SERPINA3: variants seen among roughly 807,000 people sequenced by gnomAD.
The protein encoded by SERPINA3 is alpha-1-antichymotrypsin.
Under a neutral mutation model 26.8 loss-of-function variants are expected in SERPINA3, and 32 were observed. The observed-to-expected ratio is 1.20, with a 90% CI of 0.90 to 1.61. The LOEUF (loss-of-function observed/expected upper bound fraction) is 1.61. Among genes scored for constraint, SERPINA3 ranks in the 40% most tolerant of loss-of-function variants. The pLI, the probability that SERPINA3 is intolerant of heterozygous loss-of-function variation, is 0.00. For synonymous variants in SERPINA3, 252 were observed against 206.4 expected (o/e 1.22, Z -1.89); for missense variants, 632 against 517.9 (o/e 1.22, Z -2.14).
chr14:94,615,824 G>A (rs760197493), intron 2 of SERPINA3, among the ~76,000 whole-genome samples: 2 of 152,162 alleles, frequency 1.3e-5, no homozygotes, highest in Non-Finnish European at 1.5e-5. Flanking sequence ...CAGCCTGCAA[G>A]CTCCGAAGGG....
chr14:94,615,098 G>A lies in SERPINA3; in HGVS notation c.643+14G>A. 6.2e-7 allele frequency: 1 copy of A among 1,613,170 alleles called. No homozygotes were observed. Among genetic ancestry groups the A allele is most frequent in the Non-Finnish European group, 8.5e-7 (1 of 1,179,992 alleles). On this transcript the variant is annotated intron_variant, in intron 2 of 4. Coordinates refer to ENST00000393078, the MANE Select transcript of SERPINA3 (RefSeq NM_001085.5). Reference sequence around the variant, plus strand: ...TCTTCTTTAAAGGTGAGTGTGCCTGGCTTGGGGTTCAGAAGAGGTGGATCT... The same window carrying A: ...TCTTCTTTAAAGGTGAGTGTGCCTGACTTGGGGTTCAGAAGAGGTGGATCT...
At chr14:94,617,091 C>T (rs980398835) in intron 2 of SERPINA3, among the ~76,000 whole-genome samples, 1 of 152,156 alleles carries the variant, frequency 6.6e-6, no homozygotes, top group African/African-American at 2.4e-5. Context: ...TGAAAGGCCC[C>T]AAAGGAGCTC....
chr14:94,619,421 G>C lies in SERPINA3; in HGVS notation c.870G>C (p.Met290Ile). The change falls in exon 3 of 5, where the codon ATG becomes ATC. Residue 290 changes from methionine (M) to isoleucine (I), a missense_variant. By Grantham distance (10) the Met-to-Ile change is conservative (BLOSUM62 1). Transcript: ENST00000393078. The part of the protein sequence containing the change: ...DQDKMEEVEA[M>I]LLPETLKRWR... ...ACAAGATGGAGGAAGTGGAAGCCAT[G>C]CTGCTCCCAGAGACCCTGAAGCGGT... 1 of 1,614,168 alleles carries C rather than the reference G, an allele frequency of 6.2e-7. No individual in the cohort carries two copies. The highest frequency in any genetic ancestry group is 1.3e-5 in the African/African-American group (1 of 75,034).
In SERPINA3 at chr14:94,614,675, G is replaced by A. The variant is rs544696961; in HGVS notation, c.234G>A (p.Leu78=). 1.9e-6 allele frequency: 3 copies of A among 1,614,076 alleles called. No individual in the cohort carries two copies. The highest frequency in any genetic ancestry group is 4.5e-5 in the East Asian group (2 of 44,870). ...ATAAGAATGTCATCTTCTCCCCACTGAGCATCTCCACCGCCTTGGCCTTCC... is the reference window on the plus strand; with the variant it reads ...ATAAGAATGTCATCTTCTCCCCACTAAGCATCTCCACCGCCTTGGCCTTCC... ...APDKNVIFSP[L]SISTALAFLS... The change falls in exon 2 of 5, where the codon CTG becomes CTA. Residue 78 remains leucine (L), a synonymous_variant. Transcript: ENST00000393078.
At chr14:94,619,695 T>A in intron 3 of SERPINA3, 1 of 588,776 alleles carries the variant, frequency 1.7e-6, no homozygotes, top group Non-Finnish European at 3.0e-6. Context: ...GACTCCAGCA[T>A]GTTCTAAGTC....
In SERPINA3 at chr14:94,622,349, G is replaced by C; in HGVS notation, c.926G>C (p.Gly309Ala). The C allele has an allele frequency of 6.2e-7, 1 of 1,614,024 alleles. No homozygotes were observed. Among genetic ancestry groups the C allele is most frequent in the Non-Finnish European group, 8.5e-7 (1 of 1,180,008 alleles). The part of the protein sequence containing the change: ...WRDSLEFREI[G>A]ELYLPKFSIS... ...TTTTTCTCGTTTTCTAGAGAGATAGGTGAGCTCTACCTGCCAAAGTTTTCC... is the reference window on the plus strand; with the variant it reads ...TTTTTCTCGTTTTCTAGAGAGATAGCTGAGCTCTACCTGCCAAAGTTTTCC... The change falls in exon 4 of 5, where the codon GGT (glycine) becomes GCT (alanine). Residue 309 changes from glycine (G) to alanine (A), a missense_variant. By Grantham distance (60) the Gly-to-Ala change is moderately conservative. Transcript: ENST00000393078.
chr14:94,614,167 G>A (rs1448731226), intron 1 of SERPINA3: 3 of 492,918 alleles, frequency 6.1e-6, no homozygotes, highest in Non-Finnish European at 1.1e-5. Flanking sequence ...CCTGTTTGCT[G>A]TATGATCTTG....
chr14:94,614,253 A>G, intron 1 of SERPINA3, 181 bp from the exon 2 acceptor site: 1 of 626,448 alleles, frequency 1.6e-6, no homozygotes, highest in Non-Finnish European at 2.8e-6. Context: ...CCTACCTCAA[A>G]GGGTGAAATG....
intron 1 of SERPINA3, chr14:94,614,128 C>G: frequency 2.5e-6 from 1 of 392,894 alleles, no homozygotes; most frequent in South Asian, 2.8e-5. Flanking sequence ...AGGAGCCAGG[C>G]AAACCTGGCT....
chr14:94,618,976 A>G, intron 2 of SERPINA3: 2 of 611,072 alleles, frequency 3.3e-6, no homozygotes, highest in African/African-American at 3.7e-5. Flanking sequence ...CTCATTTAGC[A>G]CAAGGAACTA....
chr14:94,622,673 C>T lies in SERPINA3; in HGVS notation c.1068+182C>T, dbSNP rs1046403406. The stretch of plus-strand genomic sequence containing the variant: ...TAGGTTACAGCCCAGCTCCTCCTGC[C>T]GTGTTAGGGGTTGAGCCTCTACAAC... On this transcript the variant is annotated intron_variant, in intron 4 of 4. Coordinates refer to ENST00000393078, the MANE Select transcript of SERPINA3 (RefSeq NM_001085.5). 3.3e-5 allele frequency: 23 copies of T among 689,436 alleles called. No homozygotes were observed. The East Asian group carries it at 3.6e-4, about 11-fold the overall frequency. The allele number at this position is 689,436 out of a possible 1,614,324, so 42.7% of individuals were successfully genotyped here. A position where few individuals can be genotyped will look rare whatever the true frequency, so the allele number is the denominator to read the frequency against.
At chr14:94,622,696 A>G in intron 4 of SERPINA3, 1 of 627,194 alleles carries the variant, frequency 1.6e-6, no homozygotes, top group Non-Finnish European at 2.9e-6. Flanking sequence ...GAGCCTCTAC[A>G]ACATAATGTC....
rs376912106 is a variant in SERPINA3 at position 94,622,494 on chromosome 14, G to A, written c.1068+3G>A. 9.3e-4 allele frequency: 1,506 copies of A among 1,613,982 alleles called. 18 individuals are homozygous for A. In the South Asian group the frequency reaches 0.016, roughly 17 times the overall value. ...CCAGGAACCTAGCAGTCTCCCAGGT[G>A]AGTCTTTAGACTTGGGTCAATTCAT... On this transcript the variant is annotated splice_donor_region_variant and intron_variant, in intron 4 of 4. Transcript: ENST00000393078.
chr14:94,620,097 A>G (rs1413137299), intron 3 of SERPINA3: 3 of 334,300 alleles, frequency 9.0e-6, no homozygotes, highest in Non-Finnish European at 1.6e-5. Context: ...AGGAGGATGA[A>G]AGGATCAGGA....
Position 94,615,796 on chromosome 14 carries a change from C to T in SERPINA3, c.643+712C>T, listed in dbSNP as rs140976673. Among the ~76,000 whole-genome samples the T allele has an allele frequency of 3.2e-3, 482 of 152,330 alleles. 5 individuals are homozygous for T. The highest frequency in any genetic ancestry group is 0.011 in the African/African-American group (440 of 41,576). ...CAGTGCCCAATCCCATTGATAGAAACTCAACCAATGCAAACCTCAGCCTGC... is the reference window on the plus strand; with the variant it reads ...CAGTGCCCAATCCCATTGATAGAAATTCAACCAATGCAAACCTCAGCCTGC... On this transcript the variant is annotated intron_variant, in intron 2 of 4. Transcript: ENST00000393078.
chr14:94,616,687 G>A (rs937219409), intron 2 of SERPINA3, among the ~76,000 whole-genome samples: 1 of 152,184 alleles, frequency 6.6e-6, no homozygotes, highest in African/African-American at 2.4e-5. Flanking sequence ...GGGAATTCAA[G>A]AAAGGAAGGT....
chr14:94,619,350 A>G lies in SERPINA3; in HGVS notation c.799A>G (p.Lys267Glu). ...GCTGTCCTGCACCGTGGTGGAGCTG[A>G]AGTACACAGGCAATGCCAGCGCACT... The part of the protein sequence containing the change: ...EELSCTVVEL[K>E]YTGNASALFI... The change falls in exon 3 of 5, where the codon AAG becomes GAG. Residue 267 changes from lysine (K) to glutamate (E), a missense_variant. By Grantham distance (56) the Lys-to-Glu change is moderately conservative. Coordinates refer to ENST00000393078, the MANE Select transcript of SERPINA3 (RefSeq NM_001085.5). The G allele has an allele frequency of 6.2e-7, 1 of 1,614,166 alleles. No homozygotes were observed. The highest frequency in any genetic ancestry group is 8.5e-7 in the Non-Finnish European group (1 of 1,180,026).
chr14:94,623,575 G>A, intron 4 of SERPINA3, 36 bp from the exon 5 acceptor site: 1 of 1,601,506 alleles, frequency 6.2e-7, no homozygotes, highest in Non-Finnish European at 8.6e-7. Flanking sequence ...CTGCGCATCT[G>A]TGTTTCCCGT....
rs370539981 is a variant in SERPINA3 at position 94,619,376 on chromosome 14, C to G, written c.825C>G (p.Leu275=). The change falls in exon 3 of 5, where the codon CTC becomes CTG. Residue 275 remains leucine (L), a synonymous_variant. Transcript: ENST00000393078. ...ELKYTGNASA[L]FILPDQDKME... ...AGTACACAGGCAATGCCAGCGCACT[C>G]TTCATCCTCCCTGATCAAGACAAGA... The G allele has an allele frequency of 6.2e-7, 1 of 1,614,086 alleles. No individual in the cohort carries two copies. Among genetic ancestry groups the G allele is most frequent in the African/African-American group, 1.3e-5 (1 of 74,934 alleles).
Sources: allele counts gnomAD v4.1 joint callset (sites outside exome capture counted in the v4.1 genomes callset), GRCh38; gene constraint gnomAD v4.1.1; transcripts MANE v1.5; gene names NCBI Gene and HGNC (gene_info 2026-07-23, HGNC 2026-07-21).